Variants in NCS1 observed in about 807,000 individuals in gnomAD.
NCS1 encodes the protein neuronal calcium sensor 1.
NCS1 carries 6 observed loss-of-function variants against 28.4 expected under a neutral mutation model. The ratio of observed to expected loss-of-function variants is 0.21; its 90% CI spans 0.12 to 0.42. The LOEUF is 0.42. Ranked by LOEUF, NCS1 falls within the 10% of genes least tolerant of loss-of-function variation. NCS1 has a pLI of 1.00. For synonymous variants in NCS1, 86 were observed against 99.3 expected (o/e 0.87, Z 0.79); for missense variants, 131 against 241.4 (o/e 0.54, Z 3.03).
At chr9:130,216,803 C>T (rs571365420) in intron 2 of NCS1, among the ~76,000 whole-genome samples, 9 of 151,420 alleles carry the variant, frequency 5.9e-5, no homozygotes, top group Admixed American at 1.3e-4. Flanking sequence ...AGTTCCCAGT[C>T]GCGTCAGGCC....
chr9:130,217,787 G>T (rs1371659636), intron 2 of NCS1, 45 bp from the exon 3 acceptor site: 1 of 1,613,378 alleles, frequency 6.2e-7, no homozygotes, highest in African/African-American at 1.3e-5. Flanking sequence ...GGTGGGTGAT[G>T]TTGGCGTCTC....
Position 130,172,588 on chromosome 9 carries a change from C to A in NCS1, c.-76C>A. The A allele has an allele frequency of 1.2e-6, 1 of 810,792 alleles. No homozygotes were observed. The highest frequency in any genetic ancestry group is 1.6e-6 in the Non-Finnish European group (1 of 643,466). The allele number at this position is 810,792 out of a possible 1,614,324, so 50.2% of individuals were successfully genotyped here. A position where few individuals can be genotyped will look rare whatever the true frequency, so the allele number is the denominator to read the frequency against. On this transcript the variant is annotated 5_prime_UTR_variant, in exon 1 of 8. Transcript: ENST00000372398. ...GACAAAGGCGCGGCCCCGGCCCGGC[C>A]CGCCCGGCCCAGCCGCTCCTGCTGG... is the stretch of plus-strand genomic sequence containing the variant.
Position 130,223,038 on chromosome 9 carries a change from G to GC in NCS1, c.397-41dup, listed in dbSNP as rs1247993302. ...GCAAATGCGTGGCCAAGAGCCCAAAGCCCAGAGTGCCAGGGCCCACCCCCG... is the reference window on the plus strand; with the variant it reads ...GCAAATGCGTGGCCAAGAGCCCAAAGCCCCAGAGTGCCAGGGCCCACCCCCG... On this transcript the variant is annotated intron_variant, in intron 5 of 7. Coordinates refer to ENST00000372398, the MANE Select transcript of NCS1 (RefSeq NM_014286.4). The GC allele has an allele frequency of 2.6e-6, 4 of 1,558,754 alleles. No individual in the cohort carries two copies. The East Asian group carries it at 9.0e-5, about 35-fold the overall frequency.
At chr9:130,200,398 C>T in intron 1 of NCS1, 1 of 619,674 alleles carries the variant, frequency 1.6e-6, no homozygotes, top group East Asian at 2.7e-5. Flanking sequence ...CTTCACGGCT[C>T]TGTTCATGTC....
intron 2 of NCS1, among the ~76,000 whole-genome samples, chr9:130,208,272 C>T (rs1384444754): frequency 1.3e-5 from 2 of 151,486 alleles, no homozygotes; most frequent in Non-Finnish European, 2.9e-5. Context: ...TCCTATTTTC[C>T]AACTTTTCTG....
At chr9:130,200,693 T>C in intron 1 of NCS1, 1 of 1,544,134 alleles carries the variant, frequency 6.5e-7, no homozygotes. Flanking sequence ...CTGGGGGCTC[T>C]CCCAGCAGCG....
chr9:130,198,023 G>T (rs1005399120), intron 1 of NCS1, among the ~76,000 whole-genome samples: 11 of 151,042 alleles, frequency 7.3e-5, no homozygotes, highest in Non-Finnish European at 1.3e-4. Flanking sequence ...AGTTAGAATT[G>T]CTGGGCCCTG....
chr9:130,191,671 G>T lies in NCS1; in HGVS notation c.65-9287G>T, dbSNP rs1797514067. 6.6e-6 allele frequency among the ~76,000 whole-genome samples: 1 copy of T among 152,232 alleles called. No homozygotes were observed. The highest frequency in any genetic ancestry group is 2.1e-4 in the South Asian group (1 of 4,830). ...CTGTGTGAGACGCTAATGAAATGAG[G>T]GTTCAGGCTGGTGCCGGGCAGACCG... On this transcript the variant is annotated intron_variant, in intron 1 of 7. Transcript: ENST00000372398. This position sits in a 1 kb window ranked among gnomAD's most constrained non-coding sequence, Gnocchi z 6.4.
chr9:130,188,370 C>T (rs577559748), intron 1 of NCS1, among the ~76,000 whole-genome samples: 1 of 152,154 alleles, frequency 6.6e-6, no homozygotes, highest in East Asian at 1.9e-4. Flanking sequence ...GCACGCCTGA[C>T]CCCCTAGGCT....
rs74955077 is a variant in NCS1 at position 130,186,722 on chromosome 9, G to C, written c.64+13995G>C. Among the ~76,000 whole-genome samples the C allele has an allele frequency of 4.2e-3, 641 of 152,312 alleles. 4 individuals carry two copies. Among genetic ancestry groups the C allele is most frequent in the African/African-American group, 0.014 (598 of 41,578 alleles). ...TGGCCAGTAGAGCAGGGAGCCCTCT[G>C]GATGGAAGCCCTGAGAGGGTCCCAA... On this transcript the variant is annotated intron_variant, in intron 1 of 7. Coordinates refer to ENST00000372398, the MANE Select transcript of NCS1 (RefSeq NM_014286.4). The surrounding 1 kb of genome is among the most constrained non-coding windows in gnomAD (Gnocchi z 4.1).
chr9:130,206,618 C>T (rs559947365), intron 2 of NCS1, among the ~76,000 whole-genome samples: 90 of 152,156 alleles, frequency 5.9e-4, no homozygotes, highest in African/African-American at 2.0e-3. Context: ...CCACGCTGGC[C>T]AGGCTGGTCT....
chr9:130,221,168 CAT>C (rs1554910204), intron 4 of NCS1, among the ~76,000 whole-genome samples: 1 of 151,746 alleles, frequency 6.6e-6, no homozygotes, highest in Non-Finnish European at 1.5e-5. Flanking sequence ...GGATTACAGG[CAT>C]GTGCCACCAC....
Position 130,219,984 on chromosome 9 carries a change from A to C in NCS1, c.307+181A>C, listed in dbSNP as rs1554910008. On this transcript the variant is annotated intron_variant, in intron 4 of 7. Coordinates refer to ENST00000372398, the MANE Select transcript of NCS1 (RefSeq NM_014286.4). This position sits in a 1 kb window ranked among gnomAD's most constrained non-coding sequence, Gnocchi z 5.7. ...CTGGGCAGGTGGCCCTCACACGGCC[A>C]CGTAACTAGGCCAGGCTGACTGTCC... Among the ~76,000 whole-genome samples, 1 of 152,230 alleles carries C rather than the reference A, an allele frequency of 6.6e-6. No individual in the cohort carries two copies. The highest frequency in any genetic ancestry group is 6.5e-5 in the Admixed American group (1 of 15,288).
intron 1 of NCS1, among the ~76,000 whole-genome samples, chr9:130,195,709 C>T (rs1301933987): frequency 2.6e-5 from 4 of 152,236 alleles, no homozygotes; most frequent in African/African-American, 9.6e-5. Context: ...CGGGCATGAG[C>T]CACCGCGCTC....
At position 130,194,820 on chromosome 9, in the gene NCS1, G is replaced by A. The variant is rs12003773; in HGVS notation, c.65-6138G>A. Among the ~76,000 whole-genome samples the A allele has an allele frequency of 6.2e-3, 937 of 152,334 alleles. 9 individuals carry two copies. The highest frequency in any genetic ancestry group is 0.021 in the African/African-American group (857 of 41,574). ...AGGCAGAGTGTGATGGAGAGAGTTC[G>A]TTTTAAAAATTGGCCAAAGCCAGAT... On this transcript the variant is annotated intron_variant, in intron 1 of 7. Transcript: ENST00000372398.
At chr9:130,200,522 AC>A (rs1832926979) in intron 1 of NCS1, 9 of 1,539,464 alleles carry the variant, frequency 5.8e-6, no homozygotes, top group Non-Finnish European at 7.9e-6. Flanking sequence ...AGCTCCCCCC[AC>A]CCCCCCACAT....
chr9:130,208,517 TG>T (rs564068418), intron 2 of NCS1, among the ~76,000 whole-genome samples: 16 of 152,134 alleles, frequency 1.1e-4, no homozygotes, highest in Non-Finnish European at 2.2e-4. Flanking sequence ...CCTCAGGAAA[TG>T]CCCACCTCGG....
chr9:130,187,693 A>G (rs996843181), intron 1 of NCS1, among the ~76,000 whole-genome samples: 1 of 152,120 alleles, frequency 6.6e-6, no homozygotes, highest in East Asian at 1.9e-4. Flanking sequence ...GTCCCTGCCA[A>G]TGCCATCTCC....
chr9:130,237,015 C>G lies in NCS1; in HGVS notation c.*4043C>G, dbSNP rs1554913232. ...GACTGCTGCTGCCTCCCACCCGGAG[C>G]CTGCCACTTGGGGGAGAAATTGGTA... On this transcript the variant is annotated 3_prime_UTR_variant, in exon 8 of 8. Coordinates refer to ENST00000372398, the MANE Select transcript of NCS1 (RefSeq NM_014286.4). 6.6e-6 allele frequency: 1 copy of G among 152,260 alleles called. No homozygotes were observed. The highest frequency in any genetic ancestry group is 1.5e-5 in the Non-Finnish European group (1 of 68,092). The allele number at this position is 152,260 out of a possible 1,614,324, so 9.4% of individuals were successfully genotyped here. A position where few individuals can be genotyped will look rare whatever the true frequency, so the allele number is the denominator to read the frequency against.
Sources: gnomAD v4.1 joint callset for allele counts (sites outside exome capture counted in the v4.1 genomes callset) on GRCh38, gnomAD v4.1.1 for gene constraint, Gnocchi (gnomAD v3.1) non-coding constraint, MANE v1.5 for transcripts, NCBI Gene and HGNC (gene_info 2026-07-23, HGNC 2026-07-21) for gene names.